VPS13B: variants seen among roughly 807,000 people sequenced by gnomAD.
The protein encoded by VPS13B is vacuolar protein sorting 13 homolog B.
VPS13B carries 285 observed loss-of-function variants against 426.4 expected under a neutral mutation model. The ratio of observed to expected loss-of-function variants is 0.67; its 90% CI spans 0.61 to 0.74. The LOEUF (loss-of-function observed/expected upper bound fraction) is 0.74, where lower values mean the gene tolerates loss of function less well. VPS13B is among the 30% of genes least tolerant of loss of function. The probability of loss-of-function intolerance (pLI) is 0.00; values close to 1 mark genes in which losing one functional copy is unlikely to be tolerated. For synonymous variants in VPS13B, 1,676 were observed against 1,676.4 expected (o/e 1.00, Z 0.01); for missense variants, 4,537 against 4,782.6 (o/e 0.95, Z 1.51).
At chr8:99,071,834 A>G (rs1844868398) in intron 3 of VPS13B, among the ~76,000 whole-genome samples, 1 of 151,396 alleles carries the variant, frequency 6.6e-6, no homozygotes, top group African/African-American at 2.4e-5. Context: ...GAAGCAGGAG[A>G]CTCTCATTGT....
intron 17 of VPS13B, among the ~76,000 whole-genome samples, chr8:99,245,151 A>T (rs1263724946): frequency 1.3e-5 from 2 of 152,210 alleles, no homozygotes; most frequent in African/African-American, 4.8e-5. Flanking sequence ...TCAGTGTCAA[A>T]TTGGATTTAA....
chr8:99,268,741 C>T (rs937943399), intron 17 of VPS13B, among the ~76,000 whole-genome samples: 1 of 152,024 alleles, frequency 6.6e-6, no homozygotes, highest in African/African-American at 2.4e-5. Context: ...TGAGTTAAGA[C>T]TTTGGGGGAG....
intron 3 of VPS13B, among the ~76,000 whole-genome samples, chr8:99,085,009 T>C (rs1313330259): frequency 6.2e-5 from 3 of 48,010 alleles, no homozygotes; most frequent in Non-Finnish European, 1.4e-4. Flanking sequence ...TGGATATCCT[T>C]GTTAATTTCT....
In VPS13B at chr8:99,134,615, A is replaced by G; in HGVS notation, c.1207-17A>G. On this transcript the variant is annotated splice_polypyrimidine_tract_variant and intron_variant, in intron 8 of 61. Transcript: ENST00000357162. ...TAATACTAAATTTGATTTACTTAATATTCTTATATTTCTTAGCTCACAGAA... is the reference window on the plus strand; with the variant it reads ...TAATACTAAATTTGATTTACTTAATGTTCTTATATTTCTTAGCTCACAGAA... 6.4e-7 allele frequency: 1 copy of G among 1,564,634 alleles called. No individual in the cohort carries two copies. The highest frequency in any genetic ancestry group is 2.3e-5 in the East Asian group (1 of 44,338).
intron 42 of VPS13B, among the ~76,000 whole-genome samples, chr8:99,780,604 C>T (rs1334009198): frequency 6.6e-6 from 1 of 151,980 alleles, no homozygotes; most frequent in Non-Finnish European, 1.5e-5. Flanking sequence ...TGTCACGTAG[C>T]ATATTGCTGA....
chr8:99,250,846 C>A (rs1817468780), intron 17 of VPS13B, among the ~76,000 whole-genome samples: 1 of 151,734 alleles, frequency 6.6e-6, no homozygotes, highest in East Asian at 1.9e-4. Flanking sequence ...TCTTTGATTT[C>A]TTTCATCAGC....
intron 41 of VPS13B, among the ~76,000 whole-genome samples, chr8:99,777,856 T>C (rs1811817829): frequency 6.6e-6 from 1 of 152,148 alleles, no homozygotes; most frequent in African/African-American, 2.4e-5. Context: ...TACCAAACCT[T>C]TTCTAGGTGA....
intron 17 of VPS13B, among the ~76,000 whole-genome samples, chr8:99,227,452 G>A (rs1189893441): frequency 2.0e-5 from 3 of 152,074 alleles, no homozygotes; most frequent in Admixed American, 6.5e-5. Flanking sequence ...GTTATTTATA[G>A]TTTAGGGAAT....
intron 26 of VPS13B, 22 bp from the exon 27 acceptor site, chr8:99,502,814 T>A (rs367625037): frequency 4.0e-6 from 6 of 1,511,770 alleles, no homozygotes; most frequent in Non-Finnish European, 5.5e-6. Flanking sequence ...GTGTTGATAT[T>A]ACTGCTTGTT....
chr8:99,678,621 C>T (rs1485745597), intron 35 of VPS13B, among the ~76,000 whole-genome samples: 1 of 151,594 alleles, frequency 6.6e-6, no homozygotes, highest in African/African-American at 2.4e-5. Context: ...ATTGCTCTAT[C>T]AGGAGGCATA....
chr8:99,153,814 AC>A (rs1185660317), intron 14 of VPS13B, among the ~76,000 whole-genome samples: 1 of 151,424 alleles, frequency 6.6e-6, no homozygotes, highest in Non-Finnish European at 1.5e-5. Flanking sequence ...TGAAATTCTG[AC>A]CTTTATCATT....
At chr8:99,458,227 T>C (rs930001227) in intron 23 of VPS13B, among the ~76,000 whole-genome samples, 1 of 152,166 alleles carries the variant, frequency 6.6e-6, no homozygotes, top group Non-Finnish European at 1.5e-5. Flanking sequence ...TTCATCCATG[T>C]CCCTGCAAAG....
At chr8:99,831,241 T>A (rs1815040791) in intron 51 of VPS13B, among the ~76,000 whole-genome samples, 1 of 151,670 alleles carries the variant, frequency 6.6e-6, no homozygotes, top group Admixed American at 6.6e-5. Flanking sequence ...CCCAGCTAAT[T>A]TTTGTATTTT....
intron 55 of VPS13B, among the ~76,000 whole-genome samples, chr8:99,850,019 C>A (rs1352509145): frequency 4.3e-3 from 126 of 29,086 alleles, no homozygotes; most frequent in Middle Eastern, 0.11. Flanking sequence ...TTATACATAC[C>A]TACATAAGTA....
At chr8:99,090,350 C>T (rs1323859697) in intron 3 of VPS13B, among the ~76,000 whole-genome samples, 1 of 151,696 alleles carries the variant, frequency 6.6e-6, no homozygotes, top group Non-Finnish European at 1.5e-5. Flanking sequence ...TCACTGCAAC[C>T]TCTACTTCCC....
chr8:99,237,803 A>G (rs777981897), intron 17 of VPS13B, among the ~76,000 whole-genome samples: 3 of 152,086 alleles, frequency 2.0e-5, no homozygotes, highest in Non-Finnish European at 4.4e-5. Context: ...AGTAAAATAA[A>G]TTTTAAAAAA....
At chr8:99,791,720 T>TA (rs1163608239) in intron 43 of VPS13B, among the ~76,000 whole-genome samples, 5,582 of 89,884 alleles carry the variant, frequency 0.062, 144 homozygotes, top group East Asian at 0.066. Flanking sequence ...GAACAGAACT[T>TA]AAAAAAAAAA....
chr8:99,104,355 T>A (rs1050159825), intron 5 of VPS13B, among the ~76,000 whole-genome samples: 1 of 152,228 alleles, frequency 6.6e-6, no homozygotes, highest in African/African-American at 2.4e-5. Context: ...TGACTATATT[T>A]TATAGTGCCA....
At chr8:99,720,735 A>G in intron 38 of VPS13B, 128 bp from the exon 39 acceptor site, 1 of 1,117,988 alleles carries the variant, frequency 8.9e-7, no homozygotes, top group Admixed American at 2.2e-5. Flanking sequence ...TCTGTTCCAG[A>G]ATATATATAA....
Sources: allele counts gnomAD v4.1 joint callset (sites outside exome capture counted in the v4.1 genomes callset), GRCh38; gene constraint gnomAD v4.1.1; transcripts MANE v1.5; gene names NCBI Gene and HGNC (gene_info 2026-07-23, HGNC 2026-07-21).